Variants in AFG1L observed in about 807,000 individuals in gnomAD.
AFG1L encodes AFG1 like ATPase, also known as AFG1-like ATPase.
Under a neutral mutation model 62.2 loss-of-function variants are expected in AFG1L, and 53 were observed. The ratio of observed to expected loss-of-function variants is 0.85; its 90% confidence interval spans 0.68 to 1.07. The LOEUF (loss-of-function observed/expected upper bound fraction) is 1.07. AFG1L is among the 50% of genes least tolerant of loss of function. The pLI is 0.00. For missense variants in AFG1L, 555 were observed against 590.5 expected (o/e 0.94, Z 0.62); for synonymous variants, 228 against 210.3 (o/e 1.08, Z -0.73).
At chr6:108,479,246 C>A (rs909483691) in intron 10 of AFG1L, among the ~76,000 whole-genome samples, 6 of 152,226 alleles carry the variant, frequency 3.9e-5, no homozygotes, top group African/African-American at 1.4e-4. Context: ...CCCACCTCAG[C>A]CTTCCAAAGT....
In AFG1L at chr6:108,356,717, C is replaced by A; in HGVS notation, c.545C>A (p.Pro182Gln). ...ATACATCGCCTTAAACAGAGTTTGC[C>A]AAAAAGGAAACCAGGATTCATGGCT... Reference protein sequence around the residue: ...KRIHRLKQSLPKRKPGFMAKS... With the variant: ...KRIHRLKQSLQKRKPGFMAKS... Residue 182 changes from proline (P) to glutamine (Q), a missense_variant, in exon 5 of 13, where the codon CCA (proline) becomes CAA (glutamine). Pro to Gln is a moderately conservative substitution (Grantham distance 76). Transcript: ENST00000368977. 9 of 1,611,302 alleles carry A rather than the reference C, an allele frequency of 5.6e-6. No homozygotes were observed. Among genetic ancestry groups the A allele is most frequent in the Non-Finnish European group, 6.8e-6 (8 of 1,178,902 alleles).
At chr6:108,376,855 T>C (rs1780269035) in intron 6 of AFG1L, among the ~76,000 whole-genome samples, 1 of 152,164 alleles carries the variant, frequency 6.6e-6, no homozygotes, top group African/African-American at 2.4e-5. Context: ...CCTACTATTA[T>C]TGTGTGGCTC....
chr6:108,414,422 T>C (rs1562145415), intron 7 of AFG1L, among the ~76,000 whole-genome samples: 3 of 152,326 alleles, frequency 2.0e-5, no homozygotes, highest in East Asian at 3.9e-4. Context: ...ATTCATTTTA[T>C]GAGGCCAAAA....
intron 2 of AFG1L, among the ~76,000 whole-genome samples, chr6:108,331,154 G>A (rs1353012853): frequency 6.6e-6 from 1 of 152,008 alleles, no homozygotes; most frequent in South Asian, 2.1e-4. Flanking sequence ...AGGCATGGTG[G>A]TACATGCCTG....
intron 1 of AFG1L, among the ~76,000 whole-genome samples, chr6:108,298,065 A>G (rs1373465648): frequency 6.6e-6 from 1 of 152,068 alleles, no homozygotes; most frequent in East Asian, 1.9e-4. Context: ...TTATAGATGA[A>G]TAAACAAGGA....
intron 1 of AFG1L, among the ~76,000 whole-genome samples, chr6:108,321,499 C>T (rs1490842907): frequency 1.3e-5 from 2 of 152,166 alleles, no homozygotes; most frequent in East Asian, 3.8e-4. Context: ...GGCTACCAGC[C>T]TCACCCTAGA....
At chr6:108,497,100 C>A (rs1773999187) in intron 10 of AFG1L, among the ~76,000 whole-genome samples, 1 of 152,100 alleles carries the variant, frequency 6.6e-6, no homozygotes, top group African/African-American at 2.4e-5. Context: ...TGATTGATTT[C>A]TAGAAGTGAA....
intron 6 of AFG1L, among the ~76,000 whole-genome samples, chr6:108,375,788 C>G (rs1780218562): frequency 6.6e-6 from 1 of 151,324 alleles, no homozygotes; most frequent in African/African-American, 2.4e-5. Context: ...TTTTTATTGT[C>G]TCTTTGCCAG....
At chr6:108,453,682 T>G (rs1285979975) in intron 8 of AFG1L, among the ~76,000 whole-genome samples, 2 of 152,214 alleles carry the variant, frequency 1.3e-5, no homozygotes, top group African/African-American at 4.8e-5. Flanking sequence ...CTTAAAAACA[T>G]TTCTTAGAGT....
At chr6:108,509,250 T>C (rs1774539372) in intron 10 of AFG1L, among the ~76,000 whole-genome samples, 1 of 152,184 alleles carries the variant, frequency 6.6e-6, no homozygotes, top group African/African-American at 2.4e-5. Flanking sequence ...GTGAATAATA[T>C]TGTGGACCTT....
At chr6:108,445,585 G>A (rs551081428) in intron 7 of AFG1L, among the ~76,000 whole-genome samples, 2 of 149,064 alleles carry the variant, frequency 1.3e-5, no homozygotes, top group South Asian at 2.1e-4. Flanking sequence ...GCTATTAATC[G>A]ACATAATTTC....
chr6:108,312,844 T>A (rs1169019007), intron 1 of AFG1L, among the ~76,000 whole-genome samples: 1 of 151,994 alleles, frequency 6.6e-6, no homozygotes, highest in Non-Finnish European at 1.5e-5. Flanking sequence ...AGATCATAGT[T>A]CACTGTGGCC....
intron 10 of AFG1L, among the ~76,000 whole-genome samples, chr6:108,506,183 A>G (rs1348303490): frequency 2.0e-5 from 3 of 152,132 alleles, no homozygotes; most frequent in African/African-American, 7.2e-5. Flanking sequence ...TAGTATTTGC[A>G]TATAACCCAT....
At chr6:108,474,346 T>C (rs1562183257) in intron 8 of AFG1L, among the ~76,000 whole-genome samples, 1 of 152,218 alleles carries the variant, frequency 6.6e-6, no homozygotes, top group Non-Finnish European at 1.5e-5. Flanking sequence ...AACAAATATA[T>C]GTGTGCATTT....
intron 6 of AFG1L, among the ~76,000 whole-genome samples, chr6:108,400,822 TATAAAATATATATTTATATATA>T (rs1191194330): frequency 8.3e-5 from 2 of 24,194 alleles, no homozygotes; most frequent in South Asian, 3.4e-3. Context: ...ATATATAATA[TATAAAATATATATTTATATATA>T]ATGCAAATAT....
rs1771992553 is a variant in AFG1L at position 108,450,182 on chromosome 6, C to A, written c.890+2886C>A. ...GATCCCTGAGGAGTCGCCACACTGA[C>A]TTCCACAATGGTTGAACTAGTTTAC... On this transcript the variant is annotated intron_variant, in intron 8 of 12. Transcript: ENST00000368977. Among the ~76,000 whole-genome samples the A allele has an allele frequency of 2.0e-5, 3 of 152,246 alleles. No homozygotes were observed. The South Asian group carries it at 6.2e-4, about 31-fold the overall frequency.
chr6:108,438,888 G>T (rs1237979234), intron 7 of AFG1L, among the ~76,000 whole-genome samples: 3 of 152,032 alleles, frequency 2.0e-5, no homozygotes, highest in African/African-American at 7.2e-5. Flanking sequence ...AAATGTTTTT[G>T]ATTTACTTTG....
At position 108,408,883 on chromosome 6, in the gene AFG1L, CA is replaced by C. The variant is rs528892773; in HGVS notation, c.807+6836del. ...TTAGAGCCATATTTTATCATAGAAA[CA>C]AAAAAATAAATAGGATAACAATAAA... On this transcript the variant is annotated intron_variant, in intron 7 of 12. Transcript: ENST00000368977. Among the ~76,000 whole-genome samples the C allele has an allele frequency of 5.5e-4, 83 of 150,528 alleles. 2 individuals carry two copies. The highest frequency in any genetic ancestry group is 5.0e-3 in the South Asian group (24 of 4,762).
At chr6:108,443,938 A>G (rs2114742079) in intron 7 of AFG1L, among the ~76,000 whole-genome samples, 1 of 152,262 alleles carries the variant, frequency 6.6e-6, no homozygotes, top group South Asian at 2.1e-4. Flanking sequence ...TATTTTTCCC[A>G]TGAATTGCCA....
Sources: allele counts gnomAD v4.1 joint callset (sites outside exome capture counted in the v4.1 genomes callset), GRCh38; gene constraint gnomAD v4.1.1; transcripts MANE v1.5; gene names NCBI Gene and HGNC (gene_info 2026-07-23, HGNC 2026-07-21).